The following PLSCR4 variants were observed in gnomAD, a reference collection of about 807,000 sequenced individuals.
PLSCR4 encodes Ca(2+)-dependent phospholipid scramblase 4.
A neutral mutation model predicts 36.3 loss-of-function variants in PLSCR4; 25 were observed. The observed-to-expected ratio is 0.69, with a 90% CI of 0.50 to 0.96. The LOEUF (loss-of-function observed/expected upper bound fraction) is 0.96, where lower values mean the gene tolerates loss of function less well. Among genes scored for constraint, PLSCR4 ranks in the 40% least tolerant of loss-of-function variants. The pLI is 0.00. For missense variants in PLSCR4, 408 were observed against 414.7 expected, an observed-to-expected ratio of 0.98 and a Z score of 0.14; for synonymous variants, 122 against 132.9, an observed-to-expected ratio of 0.92 and a Z score of 0.56.
chr3:146,204,262 G>T (rs2034201592), intron 4 of PLSCR4, among the ~76,000 whole-genome samples: 2 of 151,794 alleles, frequency 1.3e-5, no homozygotes, highest in South Asian at 4.2e-4. Context: ...CTTCATGTGA[G>T]ATCTCAAAAA....
chr3:146,206,671 G>A lies in PLSCR4; in HGVS notation c.209C>T (p.Pro70Leu). Residue 70 changes from proline to leucine, a missense_variant, in exon 4 of 9, where the codon CCT becomes CTT. Transcript: ENST00000354952. ...YYSPQQPSTF[P>L]LYQPVGGIHP... ...GATACCACCAACTGGCTGGTACAAA[G>A]GGAAGGTACTGGGTTGCTGTGGACT... 2 of 1,613,410 alleles carry A rather than the reference G, an allele frequency of 1.2e-6. No individual in the cohort carries two copies. Among genetic ancestry groups the A allele is most frequent in the Non-Finnish European group, 1.7e-6 (2 of 1,179,688 alleles).
intron 3 of PLSCR4, among the ~76,000 whole-genome samples, chr3:146,212,818 T>C (rs945789548): frequency 6.6e-6 from 1 of 152,188 alleles, no homozygotes; most frequent in African/African-American, 2.4e-5. Flanking sequence ...ACGTTTTCAG[T>C]CTTTACTCCT....
intron 3 of PLSCR4, among the ~76,000 whole-genome samples, chr3:146,211,926 T>C (rs1254561705): frequency 6.6e-6 from 1 of 152,196 alleles, no homozygotes; most frequent in Non-Finnish European, 1.5e-5. Flanking sequence ...TCTATCTTTA[T>C]GCTAGTACTG....
chr3:146,225,224 C>G (rs907753949), intron 1 of PLSCR4, among the ~76,000 whole-genome samples: 4 of 152,194 alleles, frequency 2.6e-5, no homozygotes, highest in Non-Finnish European at 4.4e-5. Context: ...AAGGCCCCAC[C>G]AGAGCAGCTA....
At chr3:146,233,602 A>T (rs373319713) in intron 1 of PLSCR4, among the ~76,000 whole-genome samples, 5 of 152,148 alleles carry the variant, frequency 3.3e-5, no homozygotes, top group African/African-American at 1.2e-4. Flanking sequence ...TAAGTTTTAG[A>T]TATGAATTAG....
chr3:146,237,083 C>T (rs10804710), intron 1 of PLSCR4, among the ~76,000 whole-genome samples: 116,306 of 151,930 alleles, frequency 0.77, 45,602 homozygotes, highest in Non-Finnish European at 0.86. Context: ...TCCAACTATA[C>T]GTCATATACA....
At chr3:146,240,586 G>C (rs1401430917) in intron 1 of PLSCR4, among the ~76,000 whole-genome samples, 3 of 152,310 alleles carry the variant, frequency 2.0e-5, no homozygotes, top group African/African-American at 7.2e-5. Context: ...CTGGGTGACA[G>C]AGCAAGATCC....
intron 1 of PLSCR4, among the ~76,000 whole-genome samples, chr3:146,238,618 C>T (rs1249699883): frequency 6.6e-6 from 1 of 151,868 alleles, no homozygotes; most frequent in Non-Finnish European, 1.5e-5. Context: ...AATAAATACT[C>T]AACAATCTAG....
At chr3:146,229,988 AT>A (rs1415876856) in intron 1 of PLSCR4, among the ~76,000 whole-genome samples, 1 of 152,158 alleles carries the variant, frequency 6.6e-6, no homozygotes, top group East Asian at 1.9e-4. Context: ...TCTGTGAGTC[AT>A]TCTAGGAAAT....
intron 2 of PLSCR4, among the ~76,000 whole-genome samples, chr3:146,221,263 T>C (rs1356595991): frequency 6.6e-6 from 1 of 152,218 alleles, no homozygotes; most frequent in Admixed American, 6.5e-5. Context: ...TTTTTCCCTT[T>C]ACATAATATG....
chr3:146,245,359 C>G (rs1282755733), intron 1 of PLSCR4, among the ~76,000 whole-genome samples: 3 of 152,012 alleles, frequency 2.0e-5, no homozygotes, highest in African/African-American at 7.2e-5. Context: ...TAAGACATAT[C>G]TATTTTTTCT....
intron 8 of PLSCR4, among the ~76,000 whole-genome samples, 177 bp from the exon 9 acceptor site, chr3:146,194,632 T>C (rs949413149): frequency 1.3e-5 from 2 of 152,194 alleles, no homozygotes; most frequent in African/African-American, 4.8e-5. Context: ...TTTGGAACTG[T>C]TAGTTTTCCA....
chr3:146,250,951 C>T lies in PLSCR4; in HGVS notation c.-22+9G>A, dbSNP rs371322759. ...CCTGCTCTGCGCCCGCCTGTCCAGC[C>T]CCACTCACCGCCTGCCCCGCAGAAT... On this transcript the variant is annotated intron_variant, in intron 1 of 8. Coordinates refer to ENST00000354952, the MANE Select transcript of PLSCR4 (RefSeq NM_020353.3). The T allele has an allele frequency of 6.9e-4, 105 of 152,946 alleles. No individual in the cohort carries two copies. The South Asian group carries it at 9.0e-3, about 13-fold the overall frequency. The allele number at this position is 152,946 out of a possible 1,614,324, so 9.5% of individuals were successfully genotyped here. A position where few individuals can be genotyped will look rare whatever the true frequency, so the allele number is the denominator to read the frequency against.
chr3:146,206,828 C>A (rs1361771895), intron 3 of PLSCR4, 67 bp from the exon 4 acceptor site: 1 of 974,498 alleles, frequency 1.0e-6, no homozygotes, highest in Non-Finnish European at 1.5e-6. Flanking sequence ...TTTTTACATG[C>A]GATGAAATAG....
At chr3:146,249,421 A>G (rs1214056467) in intron 1 of PLSCR4, among the ~76,000 whole-genome samples, 1 of 152,078 alleles carries the variant, frequency 6.6e-6, no homozygotes, top group African/African-American at 2.4e-5. Flanking sequence ...CTTCCCACCC[A>G]GTGATTTAAA....
At chr3:146,247,275 A>G (rs1345333899) in intron 1 of PLSCR4, among the ~76,000 whole-genome samples, 2 of 152,148 alleles carry the variant, frequency 1.3e-5, no homozygotes, top group Non-Finnish European at 1.5e-5. Flanking sequence ...AGTTTTGTAC[A>G]TTTTTAAAGA....
rs2033547393 is a variant in PLSCR4, at chr3:146,193,758, G to A, written c.*653C>T. ...GCAGCTCCTGATCATCCATGCCAGT[G>A]AATGAGAAAACAAGCATGGAATATA... On this transcript the variant is annotated 3_prime_UTR_variant, in exon 9 of 9. Coordinates refer to ENST00000354952, the MANE Select transcript of PLSCR4 (RefSeq NM_020353.3). 1 of 152,168 alleles carries A rather than the reference G, an allele frequency of 6.6e-6. No individual in the cohort carries two copies. The highest frequency in any genetic ancestry group is 6.5e-5 in the Admixed American group (1 of 15,276). The allele number at this position is 152,168 out of a possible 1,614,324, so 9.4% of individuals were successfully genotyped here.
At chr3:146,227,238 G>A (rs911248080) in intron 1 of PLSCR4, among the ~76,000 whole-genome samples, 3 of 152,170 alleles carry the variant, frequency 2.0e-5, no homozygotes, top group African/African-American at 7.2e-5. Flanking sequence ...TACAAAGTCT[G>A]GAGAGCTGTT....
In PLSCR4 at chr3:146,232,978, T is replaced by G. The variant is rs142019179; in HGVS notation, c.-21-10886A>C. ...GGACATACTTTTGTTTCCCTGTATT[T>G]GACTACCTATAAATTCTGGATGATG... On this transcript the variant is annotated intron_variant, in intron 1 of 8. Transcript: ENST00000354952. 2.4e-3 allele frequency among the ~76,000 whole-genome samples: 360 copies of G among 152,228 alleles called. 3 individuals are homozygous for G. The highest frequency in any genetic ancestry group is 8.5e-3 in the African/African-American group (352 of 41,560).
Sources: gnomAD v4.1 joint callset for allele counts (sites outside exome capture counted in the v4.1 genomes callset) on GRCh38, gnomAD v4.1.1 for gene constraint, MANE v1.5 for transcripts, NCBI Gene and HGNC (gene_info 2026-07-23, HGNC 2026-07-21) for gene names.